The following ARMC9 variants were observed in gnomAD, a reference collection of about 807,000 sequenced individuals.
The protein encoded by ARMC9 is lisH domain-containing protein ARMC9.
Under a neutral mutation model 107.0 loss-of-function variants are expected in ARMC9, and 94 were observed. The observed-to-expected ratio is 0.88, with a 90% CI of 0.74 to 1.04. The LOEUF is 1.04. Among genes scored for constraint, ARMC9 ranks in the 50% least tolerant of loss-of-function variants. The probability of loss-of-function intolerance (pLI) is 0.00; values close to 1 mark genes in which losing one functional copy is unlikely to be tolerated. For synonymous variants in ARMC9, 380 were observed against 396.9 expected (o/e 0.96, Z 0.51); for missense variants, 942 against 1,030.1 (o/e 0.91, Z 1.17).
intron 1 of ARMC9, among the ~76,000 whole-genome samples, chr2:231,204,700 G>A (rs2031696189): frequency 6.6e-6 from 1 of 151,970 alleles, no homozygotes; most frequent in Non-Finnish European, 1.5e-5. Context: ...TAGAAAGGGT[G>A]GTCAGGGCAA....
intron 19 of ARMC9, among the ~76,000 whole-genome samples, chr2:231,298,985 T>A (rs1010364415): frequency 6.6e-6 from 1 of 152,166 alleles, no homozygotes; most frequent in Non-Finnish European, 1.5e-5. Flanking sequence ...GGGTAAATTA[T>A]GCTCACTCTA....
At chr2:231,350,622 CAA>C (rs111301618) in intron 21 of ARMC9, among the ~76,000 whole-genome samples, 29 of 97,256 alleles carry the variant, frequency 3.0e-4, no homozygotes, top group Non-Finnish European at 2.7e-4. Context: ...ACCCTTGTCT[CAA>C]AAAAAAAAAA....
intron 15 of ARMC9, among the ~76,000 whole-genome samples, chr2:231,277,030 T>C (rs2039821880): frequency 2.0e-5 from 3 of 152,214 alleles, no homozygotes; most frequent in Non-Finnish European, 2.9e-5. Context: ...ATTTACCTTT[T>C]TCTTTATTGC....
At chr2:231,318,298 T>A (rs1371877441) in intron 19 of ARMC9, among the ~76,000 whole-genome samples, 1 of 152,128 alleles carries the variant, frequency 6.6e-6, no homozygotes, top group Non-Finnish European at 1.5e-5. Context: ...GGATGGAAAT[T>A]GTGCTCAGAT....
At chr2:231,272,449 C>T (rs115272165) in intron 13 of ARMC9, among the ~76,000 whole-genome samples, 10,888 of 152,154 alleles carry the variant, frequency 0.072, 530 homozygotes, top group Non-Finnish European at 0.11. Context: ...CCTGCCTCAG[C>T]CTCCCAAAGT....
At position 231,376,350 on chromosome 2, in the gene ARMC9, TC is replaced by T. The variant is rs1180937859; in HGVS notation, c.*4816del. Among the ~76,000 whole-genome samples the T allele has an allele frequency of 6.6e-6, 1 of 152,160 alleles. No homozygotes were observed. The highest frequency in any genetic ancestry group is 1.5e-5 in the Non-Finnish European group (1 of 68,028). The stretch of plus-strand genomic sequence containing the variant: ...GCAAATGGGAGAAATATCGCTGAAT[TC>T]TTTTTCTCAGCATGGAACATCCCCT... On this transcript the variant is annotated 3_prime_UTR_variant, in exon 25 of 25. Coordinates refer to ENST00000611582, the MANE Select transcript of ARMC9 (RefSeq NM_001352754.2).
intron 3 of ARMC9, among the ~76,000 whole-genome samples, chr2:231,209,951 T>C (rs995634409): frequency 1.3e-5 from 2 of 152,258 alleles, no homozygotes; most frequent in Non-Finnish European, 2.9e-5. Context: ...CCCAAAGCAC[T>C]GGGATTATAG....
chr2:231,371,605 C>T lies in ARMC9; in HGVS notation c.*70C>T. 8.2e-7 allele frequency: 1 copy of T among 1,215,450 alleles called. No homozygotes were observed. The highest frequency in any genetic ancestry group is 1.0e-6 in the Non-Finnish European group (1 of 971,442). The allele number at this position is 1,215,450 out of a possible 1,614,324, so 75.3% of individuals were successfully genotyped here. On this transcript the variant is annotated 3_prime_UTR_variant, in exon 25 of 25. Transcript: ENST00000611582. ...GCTTCCCGCTCTCAGCTGGCAGCAGCTGCCGGTGATGGATGTGAAGGGACA... is the reference window on the plus strand; with the variant it reads ...GCTTCCCGCTCTCAGCTGGCAGCAGTTGCCGGTGATGGATGTGAAGGGACA...
In ARMC9 at chr2:231,362,191, G is replaced by A. The variant is rs982356008; in HGVS notation, c.2261+1308G>A. On this transcript the variant is annotated intron_variant, in intron 23 of 24. Coordinates refer to ENST00000611582, the MANE Select transcript of ARMC9 (RefSeq NM_001352754.2). The surrounding 1 kb of genome is among the most constrained non-coding windows in gnomAD (Gnocchi z 4.7). ...CCTGGGCCTCCTCCCCTCTTTCTGT[G>A]GCTGAAGAGGAGCTTGTCAGCTAGA... Among the ~76,000 whole-genome samples, 2 of 152,120 alleles carry A rather than the reference G, an allele frequency of 1.3e-5. No homozygotes were observed. Among genetic ancestry groups the A allele is most frequent in the Admixed American group, 1.3e-4 (2 of 15,276 alleles).
At chr2:231,218,471 C>T (rs938217313) in intron 5 of ARMC9, among the ~76,000 whole-genome samples, 4 of 152,056 alleles carry the variant, frequency 2.6e-5, no homozygotes, top group African/African-American at 4.8e-5. Context: ...GTATTCTGTT[C>T]GTGAATATTC....
intron 11 of ARMC9, among the ~76,000 whole-genome samples, chr2:231,259,531 C>T (rs1011795758): frequency 2.6e-5 from 4 of 152,202 alleles, no homozygotes; most frequent in South Asian, 2.1e-4. Flanking sequence ...TGGTCCCCAT[C>T]GCTACTTTTC....
At chr2:231,281,722 GAAC>G (rs141216662) in intron 16 of ARMC9, among the ~76,000 whole-genome samples, 8 of 152,108 alleles carry the variant, frequency 5.3e-5, no homozygotes, top group Non-Finnish European at 8.8e-5. Flanking sequence ...ATTGGAGACT[GAAC>G]AACAACAACA....
At chr2:231,370,782 G>A (rs940013898) in intron 24 of ARMC9, 9 of 225,458 alleles carry the variant, frequency 4.0e-5, no homozygotes, top group East Asian at 1.5e-4. Context: ...CCACCTCCAC[G>A]CCCCAACTGA....
At chr2:231,239,344 T>C (rs1355074463) in intron 8 of ARMC9, among the ~76,000 whole-genome samples, 1 of 152,166 alleles carries the variant, frequency 6.6e-6, no homozygotes, top group African/African-American at 2.4e-5. Flanking sequence ...TCCAGCAGCG[T>C]TGATGGCGAC....
chr2:231,322,764 A>G (rs1340213261), intron 19 of ARMC9, among the ~76,000 whole-genome samples: 3 of 152,162 alleles, frequency 2.0e-5, no homozygotes, highest in Admixed American at 2.0e-4. Flanking sequence ...AACATTAGTA[A>G]TCTGATGCAT....
chr2:231,325,532 C>G (rs553704261), intron 19 of ARMC9, among the ~76,000 whole-genome samples: 32 of 152,278 alleles, frequency 2.1e-4, no homozygotes, highest in African/African-American at 7.0e-4. Context: ...ATGCCCATTT[C>G]CAGCTGGGGC....
intron 17 of ARMC9, 66 bp from the exon 18 acceptor site, chr2:231,291,287 C>T (rs961662326): frequency 2.7e-5 from 36 of 1,310,914 alleles, no homozygotes; most frequent in Non-Finnish European, 3.8e-5. Context: ...ATGAGATGAC[C>T]TCATTGAAAA....
At chr2:231,270,319 C>T (rs1267285624) in intron 12 of ARMC9, among the ~76,000 whole-genome samples, 2 of 152,250 alleles carry the variant, frequency 1.3e-5, no homozygotes, top group Non-Finnish European at 2.9e-5. Context: ...CACAAGGGAA[C>T]ACCCTCTCCC....
Position 231,291,373 on chromosome 2 carries a change from C to G in ARMC9, c.1647C>G (p.Arg549=). 1 of 1,613,656 alleles carries G rather than the reference C, an allele frequency of 6.2e-7. No homozygotes were observed. The highest frequency in any genetic ancestry group is 1.3e-5 in the African/African-American group (1 of 75,034). The change falls in exon 18 of 25, where the codon CGC becomes CGG. Residue 549 remains arginine (R), a synonymous_variant. Transcript: ENST00000611582. Reference sequence around the variant, plus strand: ...TCTAGGGAATGGAAGACATCCTACGCTGCTTCATCAAAGAAGGCAATGCTG... The same window carrying G: ...TCTAGGGAATGGAAGACATCCTACGGTGCTTCATCAAAGAAGGCAATGCTG... ...ARAMGMEDIL[R]CFIKEGNAEM... is the part of the protein sequence containing the mutation.
Sources: gnomAD v4.1 joint callset for allele counts (sites outside exome capture counted in the v4.1 genomes callset) on GRCh38, gnomAD v4.1.1 for gene constraint, Gnocchi (gnomAD v3.1) non-coding constraint, MANE v1.5 for transcripts, NCBI Gene and HGNC (gene_info 2026-07-23, HGNC 2026-07-21) for gene names.